Variants in PCDHA1 observed in about 807,000 individuals in gnomAD.
PCDHA1 encodes the protein protocadherin alpha-1.
In PCDHA1, 42 loss-of-function variants were observed where a neutral mutation model predicts 61.3. The ratio of observed to expected loss-of-function variants is 0.69; its 90% CI spans 0.54 to 0.89. PCDHA1 has a LOEUF of 0.89. Among genes scored for constraint, PCDHA1 ranks in the 40% least tolerant of loss-of-function variants. The pLI, the probability that PCDHA1 is intolerant of heterozygous loss-of-function variation, is 0.00. For missense variants in PCDHA1, 1,256 were observed against 1,235.3 expected, an observed-to-expected ratio of 1.02 and a Z score of -0.25; for synonymous variants, 610 against 553.8, an observed-to-expected ratio of 1.10 and a Z score of -1.43.
At chr5:141,003,761 C>T (rs1371194132) in intron 3 of PCDHA1, among the ~76,000 whole-genome samples, 3 of 152,160 alleles carry the variant, frequency 2.0e-5, no homozygotes, top group Admixed American at 1.3e-4. Flanking sequence ...TAATTATGGT[C>T]GTATTCTGTT....
In PCDHA1 at chr5:140,863,490, A is replaced by C. The variant is rs149382847; in HGVS notation, c.2394+74806A>C. ...TGGAGAGTCGCCTCCCAAGGTCAAC[A>C]TTACGGCTTTTAGTCCTAGTGTTCT... is the stretch of plus-strand genomic sequence containing the variant. On this transcript the variant is annotated intron_variant, in intron 1 of 3. Coordinates refer to ENST00000504120, the MANE Select transcript of PCDHA1 (RefSeq NM_018900.4). 1.5e-4 allele frequency: 69 copies of C among 449,374 alleles called. No homozygotes were observed. In the East Asian group the frequency reaches 3.4e-3, roughly 22 times the overall value. 27.8% of individuals were successfully genotyped at this position (449,374 alleles called of 1,614,324 possible). A position where few individuals can be genotyped will look rare whatever the true frequency, so the allele number is the denominator to read the frequency against.
intron 3 of PCDHA1, among the ~76,000 whole-genome samples, chr5:140,985,802 C>T (rs567648207): frequency 1.1e-4 from 16 of 146,640 alleles, no homozygotes; most frequent in African/African-American, 3.3e-4. Flanking sequence ...TGCAGTGGCA[C>T]GATCTCAGCT....
rs74815082 is a variant in PCDHA1 at position 140,803,860 on chromosome 5, A to T, written c.2394+15176A>T. The T allele has an allele frequency of 3.6e-3, 2,073 of 576,070 alleles. 38 individuals carry two copies. Among genetic ancestry groups the T allele is most frequent in the African/African-American group, 0.035 (1,889 of 53,256 alleles). 35.7% of individuals were successfully genotyped at this position (576,070 alleles called of 1,614,324 possible). The stretch of plus-strand genomic sequence containing the variant: ...TTATTTTATTGCTAAATGCCTGGGT[A>T]TAAGACAAATATTTTTTCTTAGATG... On this transcript the variant is annotated intron_variant, in intron 1 of 3. Transcript: ENST00000504120.
At chr5:140,980,716 G>T (rs1246125435) in intron 2 of PCDHA1, among the ~76,000 whole-genome samples, 1 of 151,830 alleles carries the variant, frequency 6.6e-6, no homozygotes, top group Non-Finnish European at 1.5e-5. Context: ...TCCTATTCGG[G>T]TTTCAATTAA....
chr5:140,849,852 C>A (rs2150454047), intron 1 of PCDHA1: 2 of 1,598,608 alleles, frequency 1.3e-6, no homozygotes, highest in East Asian at 2.2e-5. Context: ...CGACAACGCA[C>A]CAGCGTTCGC....
At chr5:140,835,399 A>T (rs1562344982) in intron 1 of PCDHA1, 1 of 1,613,824 alleles carries the variant, frequency 6.2e-7, no homozygotes, top group Non-Finnish European at 8.5e-7. Context: ...GTTCTTGTGG[A>T]AGTTGTGGAT....
intron 1 of PCDHA1, chr5:140,928,319 AG>A: frequency 6.2e-7 from 1 of 1,614,200 alleles, no homozygotes. Flanking sequence ...GACCTGGGGA[AG>A]AATGGCCTTG....
intron 1 of PCDHA1, chr5:140,930,064 C>G (rs2153602971): frequency 6.6e-6 from 1 of 152,306 alleles, no homozygotes; most frequent in Non-Finnish European, 1.5e-5. Context: ...TACACAAAAA[C>G]TGTAAGCCTC....
intron 1 of PCDHA1, chr5:140,850,404 C>G: frequency 6.3e-7 from 1 of 1,597,970 alleles, no homozygotes; most frequent in Non-Finnish European, 8.6e-7. Context: ...AACGCGTGCC[C>G]TGGACGAAAC....
intron 1 of PCDHA1, chr5:140,825,461 A>T (rs1460892772): frequency 6.7e-6 from 1 of 149,438 alleles, no homozygotes; most frequent in Non-Finnish European, 1.5e-5. Context: ...AGATATTTTG[A>T]TACAGAATTT....
intron 1 of PCDHA1, among the ~76,000 whole-genome samples, chr5:140,904,446 T>C (rs34807894): frequency 0.32 from 47,642 of 151,146 alleles, 7,868 homozygotes; most frequent in East Asian, 0.52. Context: ...TATTACAATT[T>C]CTTTATACAC....
At position 140,786,594 on chromosome 5, in the gene PCDHA1, T is replaced by G. The variant is rs1562128347; in HGVS notation, c.304T>G (p.Cys102Gly). 6.2e-7 allele frequency: 1 copy of G among 1,614,136 alleles called. No homozygotes were observed. The highest frequency in any genetic ancestry group is 8.5e-7 in the Non-Finnish European group (1 of 1,180,032). ...GGAGCTGTGCCAGTGGAGCGCGGAG[T>G]GCAGCATCCACCTGGAGTTGATCGC... is the stretch of plus-strand genomic sequence containing the variant. The part of the protein sequence containing the change: ...REELCQWSAE[C>G]SIHLELIADR... Residue 102 changes from cysteine (C) to glycine (G), a missense_variant, in exon 1 of 4, where the codon TGC (cysteine) becomes GGC (glycine). Transcript: ENST00000504120.
intron 1 of PCDHA1, chr5:140,967,413 A>C: frequency 6.2e-7 from 1 of 1,613,218 alleles, no homozygotes; most frequent in Non-Finnish European, 8.5e-7. Context: ...AAGGGCCTAG[A>C]CCGGGAGCAG....
chr5:140,940,903 A>T (rs1177865937), intron 1 of PCDHA1, among the ~76,000 whole-genome samples: 1 of 152,242 alleles, frequency 6.6e-6, no homozygotes, highest in Admixed American at 6.5e-5. Context: ...CTTTAAATCA[A>T]GTTCAAGACT....
chr5:140,939,904 T>A (rs1554213033), intron 1 of PCDHA1, among the ~76,000 whole-genome samples: 3 of 152,228 alleles, frequency 2.0e-5, no homozygotes, highest in Non-Finnish European at 2.9e-5. Context: ...TTCTGCATTC[T>A]TTTTTATTCT....
chr5:140,820,072 C>T (rs1044773695), intron 1 of PCDHA1, among the ~76,000 whole-genome samples: 1 of 151,950 alleles, frequency 6.6e-6, no homozygotes, highest in Non-Finnish European at 1.5e-5. Context: ...CTAACATCAG[C>T]TAATGCTGTT....
chr5:140,967,595 G>A, intron 1 of PCDHA1: 1 of 1,614,168 alleles, frequency 6.2e-7, no homozygotes, highest in Non-Finnish European at 8.5e-7. Context: ...CACATTGGTG[G>A]TGAAGCTGAA....
Position 140,885,566 on chromosome 5 carries a change from G to A in PCDHA1, c.2395-93383G>A, listed in dbSNP as rs190303990. On this transcript the variant is annotated intron_variant, in intron 1 of 3. Transcript: ENST00000504120. The stretch of plus-strand genomic sequence containing the variant: ...TGGTGTTATTTCTACGAAATTGATT[G>A]TCAGATGTGGAATTGATGCATCAAA... Among the ~76,000 whole-genome samples, 467 of 152,160 alleles carry A rather than the reference G, an allele frequency of 3.1e-3. 3 individuals carry two copies. The highest frequency in any genetic ancestry group is 0.014 in the Middle Eastern group (4 of 294).
chr5:141,000,393 CTCTATATATATA>C (rs1208951211), intron 3 of PCDHA1, among the ~76,000 whole-genome samples: 9 of 52,848 alleles, frequency 1.7e-4, no homozygotes, highest in African/African-American at 6.4e-4. Context: ...CTCTCTCTCT[CTCTATATATATA>C]TATATATATA....
Sources: allele counts gnomAD v4.1 joint callset (sites outside exome capture counted in the v4.1 genomes callset), GRCh38; gene constraint gnomAD v4.1.1; transcripts MANE v1.5; gene names NCBI Gene and HGNC (gene_info 2026-07-23, HGNC 2026-07-21).